Variants in DCAF1 observed in about 807,000 individuals in gnomAD.
DCAF1 encodes the protein DDB1 and CUL4 associated factor 1.
DCAF1 carries 15 observed loss-of-function variants against 128.0 expected under a neutral mutation model. The observed-to-expected ratio is 0.12, with a 90% CI of 0.08 to 0.18. The LOEUF (loss-of-function observed/expected upper bound fraction) is 0.18, where lower values mean the gene tolerates loss of function less well. Ranked by LOEUF, DCAF1 falls within the 10% of genes least tolerant of loss-of-function variation. DCAF1 has a pLI of 1.00. For synonymous variants in DCAF1, 610 were observed against 603.0 expected (o/e 1.01, Z -0.17); for missense variants, 988 against 1,649.5 (o/e 0.60, Z 6.95).
Position 51,441,294 on chromosome 3 carries a change from T to A in DCAF1, c.1026+91A>T, listed in dbSNP as rs140829484. The A allele has an allele frequency of 2.1e-4, 302 of 1,431,318 alleles. 1 individual carries two copies. In the African/African-American group the frequency reaches 4.0e-3, roughly 19 times the overall value. The allele number at this position is 1,431,318 out of a possible 1,614,324, so 88.7% of individuals were successfully genotyped here. On this transcript the variant is annotated intron_variant, in intron 8 of 24. Transcript: ENST00000684031. Reference sequence around the variant, plus strand: ...ACCCTTGTTTGTGGTAGAGTTAGAATATATCTTTGTATAAAATACTACCAT... The same window carrying A: ...ACCCTTGTTTGTGGTAGAGTTAGAAAATATCTTTGTATAAAATACTACCAT...
intron 6 of DCAF1, among the ~76,000 whole-genome samples, chr3:51,457,241 A>G (rs1329976248): frequency 6.6e-6 from 1 of 152,234 alleles, no homozygotes; most frequent in Admixed American, 6.5e-5. Flanking sequence ...GCTGAAAACC[A>G]AGGCACAGAA....
intron 6 of DCAF1, among the ~76,000 whole-genome samples, chr3:51,451,547 G>A (rs1390915642): frequency 6.6e-6 from 1 of 152,096 alleles, no homozygotes; most frequent in Non-Finnish European, 1.5e-5. Flanking sequence ...GATCACCTGA[G>A]GTTAACAGTT....
chr3:51,413,434 C>A (rs1698608906), intron 20 of DCAF1, 48 bp from the exon 21 acceptor site: 1 of 1,577,004 alleles, frequency 6.3e-7, no homozygotes, highest in Non-Finnish European at 8.6e-7. Context: ...CACAAACATC[C>A]CCTCTTCACA....
At chr3:51,437,311 C>A in intron 9 of DCAF1, 1 of 479,156 alleles carries the variant, frequency 2.1e-6, no homozygotes, top group Non-Finnish European at 4.1e-6. Context: ...GCAAGAAGAC[C>A]CCAAACTCAG....
intron 24 of DCAF1, among the ~76,000 whole-genome samples, chr3:51,400,372 C>T (rs1304048114): frequency 2.6e-5 from 4 of 152,214 alleles, no homozygotes; most frequent in African/African-American, 9.6e-5. Flanking sequence ...ACAGCATCCC[C>T]CAGGACTCAT....
chr3:51,429,156 C>T (rs1700160471), intron 12 of DCAF1, 105 bp downstream of exon 12: 1 of 675,660 alleles, frequency 1.5e-6, no homozygotes, highest in Non-Finnish European at 2.8e-6. Context: ...TATACTCCAA[C>T]AATGGACATA....
At position 51,483,736 on chromosome 3, in the gene DCAF1, C is replaced by T; in HGVS notation, c.93G>A (p.Met31Ile). 6.2e-7 allele frequency: 1 copy of T among 1,612,114 alleles called. No homozygotes were observed. Residue 31 changes from methionine (M) to isoleucine (I), a missense_variant, in exon 3 of 25, where the codon ATG becomes ATA. This residue lies in a region of DCAF1 where 48 missense variants were observed against 52.6 expected (regional missense o/e 0.91). Coordinates refer to ENST00000684031, the MANE Select transcript of DCAF1 (RefSeq NM_001387579.1). ...ATTCATACCTGGTAAGGATAGGTAC[C>T]ATGTCCTGCCCACTGCCATGTTCCT... The part of the protein sequence containing the change: ...WEKEHGSGQD[M>I]VPILTRMSQL...
At chr3:51,466,691 T>A in intron 5 of DCAF1, 112 bp downstream of exon 5, 2 of 1,011,104 alleles carry the variant, frequency 2.0e-6, no homozygotes, top group Non-Finnish European at 2.9e-6. Context: ...CAAAAAACTC[T>A]ACTCCCAACT....
At chr3:51,416,709 C>CTGT (rs1559484153) in intron 18 of DCAF1, 78 bp downstream of exon 18, 3 of 1,543,094 alleles carry the variant, frequency 1.9e-6, no homozygotes, top group Non-Finnish European at 2.6e-6. Flanking sequence ...GACTTAGGTC[C>CTGT]TCACATTCTA....
intron 14 of DCAF1, 146 bp from the exon 15 acceptor site, chr3:51,421,143 A>C: frequency 1.1e-6 from 1 of 896,610 alleles, no homozygotes; most frequent in Middle Eastern, 3.1e-4. Context: ...GTTTGTATAA[A>C]GTGCAGACAG....
chr3:51,473,938 G>A (rs546510719), intron 3 of DCAF1, among the ~76,000 whole-genome samples: 8 of 152,040 alleles, frequency 5.3e-5, no homozygotes, highest in Admixed American at 1.3e-4. Context: ...TGAGTAGCTG[G>A]GATTACAGGC....
chr3:51,499,754 G>A (rs1708654373), intron 1 of DCAF1, 119 bp downstream of exon 1: 1 of 149,720 alleles, frequency 6.7e-6, no homozygotes. Context: ...CCTCGCCGGC[G>A]GCCCAAGCAG....
intron 9 of DCAF1, among the ~76,000 whole-genome samples, chr3:51,440,395 T>C (rs1701256043): frequency 6.6e-6 from 1 of 151,884 alleles, no homozygotes; most frequent in African/African-American, 2.4e-5. Flanking sequence ...AAGGATTGCT[T>C]CAGTCCAGTT....
chr3:51,398,936 C>T (rs2089432785), intron 24 of DCAF1, 109 bp from the exon 25 acceptor site: 1 of 1,354,020 alleles, frequency 7.4e-7, no homozygotes, highest in East Asian at 2.5e-5. Context: ...AGGTTAACTA[C>T]CAGTTTCCAG....
At chr3:51,490,597 C>T (rs1707520239) in intron 2 of DCAF1, among the ~76,000 whole-genome samples, 1 of 152,098 alleles carries the variant, frequency 6.6e-6, no homozygotes, top group Non-Finnish European at 1.5e-5. Flanking sequence ...TACATTCCAA[C>T]GTGGTCTACA....
chr3:51,458,985 T>C (rs138094058), intron 6 of DCAF1, among the ~76,000 whole-genome samples: 5,794 of 152,116 alleles, frequency 0.038, 390 homozygotes, highest in African/African-American at 0.13. Flanking sequence ...ACTGACACCC[T>C]AACATCACAA....
At chr3:51,440,186 C>G (rs782110401) in intron 9 of DCAF1, 2 of 506,080 alleles carry the variant, frequency 4.0e-6, no homozygotes, top group South Asian at 2.9e-5. Flanking sequence ...AGATAGTAAG[C>G]CTCCTCTCTT....
chr3:51,413,285 T>C lies in DCAF1; in HGVS notation c.4033A>G (p.Ile1345Val), dbSNP rs782708784. ...ATGTCTGTCCCTTTCTGCTTACCTA[T>C]AGGTTTGTAGTCAGTTGCATTAAAT... ...RTFNATDYKP[I>V]ATIDVKRNIF... is the part of the protein sequence containing the mutation. The change falls in exon 21 of 25, where the codon ATA becomes GTA. Residue 1345 changes from isoleucine (I) to valine (V), a missense_variant. By Grantham distance (29) the Ile-to-Val change is conservative. This residue lies in a region of DCAF1 where 85 missense variants were observed against 204.6 expected (regional missense o/e 0.42). Coordinates refer to ENST00000684031, the MANE Select transcript of DCAF1 (RefSeq NM_001387579.1). 2.5e-6 allele frequency: 4 copies of C among 1,613,206 alleles called. No individual in the cohort carries two copies. Among genetic ancestry groups the C allele is most frequent in the Non-Finnish European group, 3.4e-6 (4 of 1,179,570 alleles).
At chr3:51,439,442 A>ATTTCTAT (rs1559511896) in intron 9 of DCAF1, among the ~76,000 whole-genome samples, 1 of 128,434 alleles carries the variant, frequency 7.8e-6, no homozygotes, top group African/African-American at 3.0e-5. Flanking sequence ...TGCTATTTCT[A>ATTTCTAT]TTTTTTTTTT....
Sources: gnomAD v4.1 joint callset for allele counts (sites outside exome capture counted in the v4.1 genomes callset) on GRCh38, gnomAD v4.1.1 for gene constraint, gnomAD v4.1.1 regional missense constraint, MANE v1.5 for transcripts, NCBI Gene and HGNC (gene_info 2026-07-23, HGNC 2026-07-21) for gene names.